Variants in AFF3 observed in about 807,000 individuals in gnomAD.
The protein encoded by AFF3 is AF4/FMR2 family member 3.
AFF3 carries 32 observed loss-of-function variants against 129.7 expected under a neutral mutation model. The ratio of observed to expected loss-of-function variants is 0.25; its 90% CI spans 0.19 to 0.33. The LOEUF is 0.33. Ranked by LOEUF, AFF3 falls within the 10% of genes least tolerant of loss-of-function variation. The pLI is 1.00. For missense variants in AFF3, 1,373 were observed against 1,592.0 expected (o/e 0.86, Z 2.34); for synonymous variants, 644 against 635.4 (o/e 1.01, Z -0.20).
At chr2:99,637,857 C>G (rs1402506920) in intron 13 of AFF3, among the ~76,000 whole-genome samples, 1 of 151,984 alleles carries the variant, frequency 6.6e-6, no homozygotes, top group Non-Finnish European at 1.5e-5. Context: ...TTAAATGAAC[C>G]ATTATGCATT....
At chr2:100,138,893 C>A (rs952766046) in intron 1 of AFF3, among the ~76,000 whole-genome samples, 4 of 138,816 alleles carry the variant, frequency 2.9e-5, no homozygotes, top group Non-Finnish European at 6.0e-5. Flanking sequence ...TGCAGTGAGC[C>A]GAAATCATGG....
chr2:99,957,175 G>A (rs565838780), intron 7 of AFF3, among the ~76,000 whole-genome samples: 9 of 144,044 alleles, frequency 6.2e-5, no homozygotes, highest in African/African-American at 2.5e-4. Context: ...ATGTACGTGT[G>A]TGTGTGCGTG....
intron 8 of AFF3, among the ~76,000 whole-genome samples, chr2:99,760,129 T>C (rs1349470015): frequency 6.6e-6 from 1 of 152,256 alleles, no homozygotes; most frequent in Non-Finnish European, 1.5e-5. Context: ...GCTGAGTTTC[T>C]GAATTGTCTC....
chr2:99,974,606 A>G (rs1264703076), intron 7 of AFF3, among the ~76,000 whole-genome samples: 4 of 152,136 alleles, frequency 2.6e-5, no homozygotes, highest in Admixed American at 1.3e-4. Context: ...TCTCTACCCA[A>G]TCTGACAACC....
intron 13 of AFF3, among the ~76,000 whole-genome samples, chr2:99,616,207 T>C (rs1407037639): frequency 6.6e-6 from 1 of 152,158 alleles, no homozygotes; most frequent in Non-Finnish European, 1.5e-5. Flanking sequence ...ATGCACTTAT[T>C]TGTAATAGTC....
At chr2:99,740,176 T>G (rs1329530285) in intron 10 of AFF3, among the ~76,000 whole-genome samples, 2 of 151,216 alleles carry the variant, frequency 1.3e-5, no homozygotes, top group Non-Finnish European at 3.0e-5. Context: ...TATTCCATGG[T>G]GTATATGTGC....
intron 8 of AFF3, among the ~76,000 whole-genome samples, chr2:99,771,073 C>T (rs551975434): frequency 2.9e-4 from 44 of 152,270 alleles, no homozygotes; most frequent in African/African-American, 1.1e-3. Flanking sequence ...GAATACTACG[C>T]AACCATAAAA....
chr2:99,847,910 C>T (rs1002087839), intron 7 of AFF3, among the ~76,000 whole-genome samples: 10 of 152,094 alleles, frequency 6.6e-5, no homozygotes, highest in Admixed American at 5.9e-4. Flanking sequence ...GACGCCCACA[C>T]TATTATTATA....
intron 9 of AFF3, among the ~76,000 whole-genome samples, chr2:99,749,070 A>G (rs572439780): frequency 6.6e-6 from 1 of 152,350 alleles, no homozygotes; most frequent in African/African-American, 2.4e-5. Flanking sequence ...TATATGATGT[A>G]TCAGAAATGT....
intron 7 of AFF3, among the ~76,000 whole-genome samples, chr2:99,885,036 C>G (rs1332541025): frequency 2.0e-5 from 3 of 152,156 alleles, no homozygotes; most frequent in Non-Finnish European, 2.9e-5. Context: ...TAAAATAGAG[C>G]TTCCACTGTT....
intron 18 of AFF3, among the ~76,000 whole-genome samples, chr2:99,574,407 T>C (rs1453702453): frequency 2.6e-5 from 4 of 152,188 alleles, no homozygotes; most frequent in African/African-American, 9.7e-5. Flanking sequence ...CTGGTGCCTG[T>C]TTACAGGCAT....
At chr2:99,880,306 G>A (rs1186499498) in intron 7 of AFF3, among the ~76,000 whole-genome samples, 1 of 152,198 alleles carries the variant, frequency 6.6e-6, no homozygotes, top group Non-Finnish European at 1.5e-5. Flanking sequence ...CGCGCCCCTG[G>A]AGAGCCCAAC....
Position 99,578,145 on chromosome 2 carries a change from C to G in AFF3, c.2918+182G>C, listed in dbSNP as rs112983431. On this transcript the variant is annotated intron_variant, in intron 18 of 24. Coordinates refer to ENST00000672756, the MANE Select transcript of AFF3 (RefSeq NM_001386135.1). ...CCCAAAAACCCCACCAGGACTCAGGCGTGCACTCAAAATTAAGGCTCCAAT... is the reference window on the plus strand; with the variant it reads ...CCCAAAAACCCCACCAGGACTCAGGGGTGCACTCAAAATTAAGGCTCCAAT... 6.9e-3 allele frequency among the ~76,000 whole-genome samples: 1,052 copies of G among 152,220 alleles called. 10 individuals carry two copies. The highest frequency in any genetic ancestry group is 0.024 in the African/African-American group (993 of 41,518).
intron 6 of AFF3, 46 bp downstream of exon 6, chr2:100,007,102 G>T (rs929910988): frequency 6.2e-7 from 1 of 1,600,676 alleles, no homozygotes; most frequent in Non-Finnish European, 8.5e-7. Flanking sequence ...AGTTCTCTGG[G>T]TTTTAGCAGA....
At chr2:99,765,446 A>G (rs1230374680) in intron 8 of AFF3, among the ~76,000 whole-genome samples, 1 of 152,224 alleles carries the variant, frequency 6.6e-6, no homozygotes, top group Non-Finnish European at 1.5e-5. Context: ...TCGGGCTTGG[A>G]GTCAGCATCT....
intron 4 of AFF3, among the ~76,000 whole-genome samples, chr2:100,015,664 G>A (rs1324230566): frequency 1.3e-5 from 2 of 152,192 alleles, no homozygotes; most frequent in Admixed American, 6.5e-5. Flanking sequence ...AAGTGTACTT[G>A]CAAATTCCCT....
intron 4 of AFF3, among the ~76,000 whole-genome samples, chr2:100,028,951 G>A (rs181614874): frequency 6.2e-4 from 94 of 151,642 alleles, no homozygotes; most frequent in Non-Finnish European, 1.1e-3. Context: ...GGGTCTTGGA[G>A]AGATATCTAC....
chr2:100,014,876 C>T (rs1197731650), intron 4 of AFF3, among the ~76,000 whole-genome samples: 1 of 150,774 alleles, frequency 6.6e-6, no homozygotes, highest in Non-Finnish European at 1.5e-5. Context: ...CTCCGCCTCC[C>T]AGGTTCAAGT....
intron 11 of AFF3, among the ~76,000 whole-genome samples, chr2:99,711,619 G>C (rs1677899062): frequency 6.6e-6 from 1 of 152,138 alleles, no homozygotes; most frequent in Non-Finnish European, 1.5e-5. Flanking sequence ...CAAGGAAGAG[G>C]GAGAACAAAT....
Sources: gnomAD v4.1 joint callset for allele counts (sites outside exome capture counted in the v4.1 genomes callset) on GRCh38, gnomAD v4.1.1 for gene constraint, MANE v1.5 for transcripts, NCBI Gene and HGNC (gene_info 2026-07-23, HGNC 2026-07-21) for gene names.